ILRUN: variants seen among roughly 807,000 people sequenced by gnomAD.
ILRUN encodes the protein protein ILRUN.
In ILRUN, 3 loss-of-function variants were observed where a neutral mutation model predicts 33.8. The observed-to-expected ratio is 0.09, with a 90% CI of 0.04 to 0.23. The LOEUF is 0.23. Among genes scored for constraint, ILRUN ranks in the 10% least tolerant of loss-of-function variants. The pLI is 1.00. For synonymous variants in ILRUN, 124 were observed against 138.9 expected, an observed-to-expected ratio of 0.89 and a Z score of 0.75; for missense variants, 210 against 375.1, an observed-to-expected ratio of 0.56 and a Z score of 3.64.
chr6:34,673,040 A>G (rs539680666), intron 1 of ILRUN, among the ~76,000 whole-genome samples: 1 of 152,380 alleles, frequency 6.6e-6, no homozygotes, highest in African/African-American at 2.4e-5. Flanking sequence ...TTACCGCTGA[A>G]AACACAAGAC....
intron 4 of ILRUN, among the ~76,000 whole-genome samples, chr6:34,600,959 G>A (rs753015232): frequency 1.3e-5 from 2 of 152,020 alleles, no homozygotes; most frequent in Non-Finnish European, 1.5e-5. Context: ...TTATCACCCC[G>A]GTACATGACC....
At chr6:34,654,495 T>C in intron 2 of ILRUN, 130 bp downstream of exon 2, 3 of 889,692 alleles carry the variant, frequency 3.4e-6, no homozygotes, top group Non-Finnish European at 5.1e-6. Context: ...TACAAGAAAA[T>C]ACTACATATC....
At chr6:34,680,365 C>T (rs1038591809) in intron 1 of ILRUN, among the ~76,000 whole-genome samples, 1 of 152,128 alleles carries the variant, frequency 6.6e-6, no homozygotes. Flanking sequence ...AAAAGGTTAA[C>T]ATTTTTATCT....
chr6:34,599,506 C>T (rs1456546627), intron 4 of ILRUN, among the ~76,000 whole-genome samples: 1 of 152,136 alleles, frequency 6.6e-6, no homozygotes, highest in Non-Finnish European at 1.5e-5. Flanking sequence ...GCCAGGCATG[C>T]TGCTAACCAC....
chr6:34,638,697 C>T (rs1259007331), intron 3 of ILRUN, among the ~76,000 whole-genome samples: 1 of 151,456 alleles, frequency 6.6e-6, no homozygotes, highest in East Asian at 1.9e-4. Flanking sequence ...AAAGCAAGAC[C>T]CTCTCTCAAA....
chr6:34,656,860 A>G (rs948396955), intron 1 of ILRUN, among the ~76,000 whole-genome samples: 1 of 152,220 alleles, frequency 6.6e-6, no homozygotes, highest in Non-Finnish European at 1.5e-5. Flanking sequence ...TGCCTATGGT[A>G]TATGTGCTTG....
chr6:34,617,538 T>C (rs994545903), intron 3 of ILRUN, among the ~76,000 whole-genome samples: 2 of 152,152 alleles, frequency 1.3e-5, no homozygotes, highest in African/African-American at 4.8e-5. Flanking sequence ...ACTCAGATTC[T>C]TTCACCACAT....
intron 1 of ILRUN, among the ~76,000 whole-genome samples, chr6:34,664,613 A>G (rs534323015): frequency 4.6e-5 from 7 of 152,366 alleles, no homozygotes; most frequent in Middle Eastern, 6.8e-3. Context: ...GATACTTCCC[A>G]AAATGGGAAA....
intron 1 of ILRUN, among the ~76,000 whole-genome samples, chr6:34,679,574 ATATT>A (rs1289893271): frequency 6.6e-6 from 1 of 152,232 alleles, no homozygotes; most frequent in Non-Finnish European, 1.5e-5. Context: ...GTGTTGAATT[ATATT>A]TATTAAGACT....
intron 3 of ILRUN, chr6:34,616,686 A>G: frequency 2.1e-6 from 2 of 965,514 alleles, no homozygotes; most frequent in East Asian, 2.4e-5. Context: ...CTTATCTATC[A>G]CAAGGAATAT....
intron 1 of ILRUN, among the ~76,000 whole-genome samples, chr6:34,657,589 G>A (rs1383277723): frequency 6.6e-6 from 1 of 152,196 alleles, no homozygotes; most frequent in Non-Finnish European, 1.5e-5. Context: ...GCAGGAAGCT[G>A]GAGAGGATGA....
chr6:34,676,429 G>C (rs1282187322), intron 1 of ILRUN, among the ~76,000 whole-genome samples: 2 of 151,314 alleles, frequency 1.3e-5, no homozygotes, highest in African/African-American at 4.9e-5. Flanking sequence ...GATAGATATA[G>C]CTAGCTAGCT....
At chr6:34,696,218 T>C in intron 1 of ILRUN, 1 of 510,894 alleles carries the variant, frequency 2.0e-6, no homozygotes, top group Non-Finnish European at 3.5e-6. Context: ...CCCCACCATC[T>C]CCCTTCCGCC....
chr6:34,594,917 G>T (rs1227227628), intron 4 of ILRUN, among the ~76,000 whole-genome samples: 2 of 152,186 alleles, frequency 1.3e-5, no homozygotes, highest in Non-Finnish European at 2.9e-5. Flanking sequence ...AGGGAGGGGT[G>T]GTCCTCACTA....
intron 4 of ILRUN, among the ~76,000 whole-genome samples, chr6:34,599,312 G>A (rs149844612): frequency 2.3e-4 from 35 of 152,362 alleles, no homozygotes; most frequent in African/African-American, 8.4e-4. Flanking sequence ...ACTGTGGATA[G>A]TATGAAATGG....
chr6:34,601,663 T>C (rs1267936918), intron 4 of ILRUN, among the ~76,000 whole-genome samples: 6 of 151,670 alleles, frequency 4.0e-5, no homozygotes, highest in African/African-American at 1.2e-4. Context: ...GCCAGGCCCA[T>C]AGAACAAAAG....
chr6:34,658,169 T>C (rs1029821382), intron 1 of ILRUN, among the ~76,000 whole-genome samples: 29 of 150,000 alleles, frequency 1.9e-4, no homozygotes, highest in African/African-American at 6.9e-4. Flanking sequence ...GCCAACGTGG[T>C]GAAACCTCGT....
At chr6:34,625,663 T>C (rs527441364) in intron 3 of ILRUN, among the ~76,000 whole-genome samples, 4 of 152,322 alleles carry the variant, frequency 2.6e-5, no homozygotes, top group South Asian at 2.1e-4. Flanking sequence ...CCAGAGTTTA[T>C]GCTTTTGCCC....
At chr6:34,678,967 A>G (rs765166942) in intron 1 of ILRUN, among the ~76,000 whole-genome samples, 2 of 152,018 alleles carry the variant, frequency 1.3e-5, no homozygotes, top group Non-Finnish European at 2.9e-5. Context: ...CCTTTAGCAC[A>G]TGAAAGTACT....
Sources: gnomAD v4.1 joint callset for allele counts (sites outside exome capture counted in the v4.1 genomes callset) on GRCh38, gnomAD v4.1.1 for gene constraint, MANE v1.5 for transcripts, NCBI Gene and HGNC (gene_info 2026-07-23, HGNC 2026-07-21) for gene names.